Variants in DNAH6 observed in about 807,000 individuals in gnomAD.
DNAH6 encodes axonemal beta dynein heavy chain 6.
DNAH6 carries 340 observed loss-of-function variants against 491.4 expected under a neutral mutation model. That is an observed-to-expected ratio of 0.69 (90% confidence interval 0.63 to 0.76). DNAH6 has a LOEUF of 0.76. Ranked by LOEUF, DNAH6 falls within the 30% of genes least tolerant of loss-of-function variation. The pLI, the probability that DNAH6 is intolerant of heterozygous loss-of-function variation, is 0.00. For synonymous variants in DNAH6, 1,603 were observed against 1,686.1 expected (o/e 0.95, Z 1.21); for missense variants, 4,443 against 4,972.2 (o/e 0.89, Z 3.20).
chr2:84,603,130 T>G (rs1290208361), intron 18 of DNAH6, among the ~76,000 whole-genome samples: 1 of 152,102 alleles, frequency 6.6e-6, no homozygotes, highest in East Asian at 1.9e-4. Context: ...GATGTGTGGT[T>G]TTTCTTGCCT....
intron 52 of DNAH6, among the ~76,000 whole-genome samples, chr2:84,706,383 A>G (rs570791817): frequency 1.3e-5 from 2 of 152,358 alleles, no homozygotes; most frequent in South Asian, 2.1e-4. Context: ...CTGGAGTTCA[A>G]ATTTCACACA....
At chr2:84,579,217 A>C (rs1037951392) in intron 13 of DNAH6, among the ~76,000 whole-genome samples, 3 of 152,236 alleles carry the variant, frequency 2.0e-5, no homozygotes, top group Non-Finnish European at 4.4e-5. Flanking sequence ...CCAACATGAA[A>C]GGAGTGGGAC....
intron 45 of DNAH6, among the ~76,000 whole-genome samples, chr2:84,691,369 A>G (rs1694831511): frequency 6.6e-6 from 1 of 152,224 alleles, no homozygotes; most frequent in African/African-American, 2.4e-5. Flanking sequence ...TTATGGGAAA[A>G]ATAAGAAAGC....
At chr2:84,485,210 G>A in the DNAH6 span, among the ~76,000 whole-genome samples, 2 of 152,128 alleles carry the variant, frequency 1.3e-5, no homozygotes, top group South Asian at 4.1e-4. Context: ...TTATCCGATG[G>A]GGGGTTTGTA....
intron 67 of DNAH6, among the ~76,000 whole-genome samples, chr2:84,786,729 T>C (rs1677237751): frequency 6.6e-6 from 1 of 152,068 alleles, no homozygotes; most frequent in African/African-American, 2.4e-5. Context: ...AACAAAAAAA[T>C]ATGATTCTGT....
chr2:84,660,645 T>C lies in DNAH6; in HGVS notation c.6084+1476T>C, dbSNP rs113139806. Among the ~76,000 whole-genome samples, 445 of 152,224 alleles carry C rather than the reference T, an allele frequency of 2.9e-3. 3 individuals are homozygous for C. The highest frequency in any genetic ancestry group is 0.01 in the African/African-American group (417 of 41,554). On this transcript the variant is annotated intron_variant, in intron 37 of 76. Coordinates refer to ENST00000389394, the MANE Select transcript of DNAH6 (RefSeq NM_001370.2). ...AAAAAAAAAACTTGCAAACAGCACC[T>C]TAGCTACATGATCAATTTAATTTAA...
In DNAH6 at chr2:84,701,205, T is replaced by A. The variant is rs1695867121; in HGVS notation, c.7927T>A (p.Leu2643Met). 1.9e-6 allele frequency: 3 copies of A among 1,551,706 alleles called. No homozygotes were observed. Among genetic ancestry groups the A allele is most frequent in the Admixed American group, 2.0e-5 (1 of 50,984 alleles). ...TCCCTTGATGTGCGTGAACGTTCAC[T>A]TGAGTGTCTCCAGCATGGCAGAGCG... ...KLPLMCVNVH[L>M]SVSSMAERYY... Residue 2643 changes from leucine (L) to methionine (M), a missense_variant, in exon 49 of 77, where the codon TTG becomes ATG. By Grantham distance (15) the Leu-to-Met change is conservative. Around this residue, in one of 3 missense-constraint regions of DNAH6, gnomAD observed 2,977 missense variants for 3,296.6 expected, o/e 0.90. Transcript: ENST00000389394.
Position 84,544,295 on chromosome 2 carries a change from C to T in DNAH6, c.725C>T (p.Thr242Ile), listed in dbSNP as rs938612860. ...TATACTATTAGCCAAAGGGCAGTAA[C>T]ACACATTTATAATGAAGACATTGAA... ...DYYTISQRAV[T>I]HIYNEDIEFI... is the part of the protein sequence containing the mutation. The change falls in exon 5 of 77, where the codon ACA becomes ATA. Residue 242 changes from threonine to isoleucine, a missense_variant. Thr to Ile is a moderately conservative substitution (Grantham distance 89). Transcript: ENST00000389394. 2 of 1,527,902 alleles carry T rather than the reference C, an allele frequency of 1.3e-6. No individual in the cohort carries two copies. Among genetic ancestry groups the T allele is most frequent in the Non-Finnish European group, 1.8e-6 (2 of 1,125,798 alleles). 94.6% of individuals were successfully genotyped at this position (1,527,902 alleles called of 1,614,324 possible).
At chr2:84,580,536 C>T (rs1371975089) in intron 14 of DNAH6, among the ~76,000 whole-genome samples, 1 of 151,902 alleles carries the variant, frequency 6.6e-6, no homozygotes, top group Non-Finnish European at 1.5e-5. Context: ...AGAAATGCTT[C>T]AATTAAAAAA....
intron 62 of DNAH6, among the ~76,000 whole-genome samples, chr2:84,744,451 T>C (rs979784832): frequency 9.9e-5 from 15 of 152,254 alleles, no homozygotes; most frequent in Non-Finnish European, 1.9e-4. Flanking sequence ...ATAAATATTC[T>C]ATAGCCAGGG....
intron 75 of DNAH6, among the ~76,000 whole-genome samples, chr2:84,815,219 A>G (rs965344823): frequency 6.6e-6 from 1 of 152,242 alleles, no homozygotes; most frequent in Non-Finnish European, 1.5e-5. Flanking sequence ...AATTTAGTTT[A>G]CCATCCTTTT....
Position 84,573,567 on chromosome 2 carries a change from C to G in DNAH6, c.1904C>G (p.Ala635Gly). ...FKENESLDLQ[A>G]LKLQEPDINF... is the part of the protein sequence containing the mutation. ...GAAAATGAAAGTCTTGATTTACAAG[C>G]TCTTAAACTTCAGGAACCTGGTAAC... is the stretch of plus-strand genomic sequence containing the variant. The change falls in exon 12 of 77, where the codon GCT becomes GGT. Residue 635 changes from alanine to glycine, a missense_variant. Ala to Gly is a moderately conservative substitution (Grantham distance 60). Around this residue, in one of 3 missense-constraint regions of DNAH6, gnomAD observed 2,977 missense variants for 3,296.6 expected, o/e 0.90. Coordinates refer to ENST00000389394, the MANE Select transcript of DNAH6 (RefSeq NM_001370.2). 6.3e-7 allele frequency: 1 copy of G among 1,576,326 alleles called. No individual in the cohort carries two copies. Among genetic ancestry groups the G allele is most frequent in the African/African-American group, 1.4e-5 (1 of 72,258 alleles).
At chr2:84,723,793 C>G (rs181452004) in intron 60 of DNAH6, among the ~76,000 whole-genome samples, 22 of 152,344 alleles carry the variant, frequency 1.4e-4, no homozygotes, top group African/African-American at 4.8e-4. Flanking sequence ...TGAATTTCAT[C>G]TGCTGTCTCA....
At chr2:84,692,505 G>T (rs926694703) in intron 45 of DNAH6, among the ~76,000 whole-genome samples, 1 of 152,004 alleles carries the variant, frequency 6.6e-6, no homozygotes, top group African/African-American at 2.4e-5. Flanking sequence ...GAAGGAAGGG[G>T]AGGAAGAGGA....
chr2:84,520,105 G>A (rs1479337509), intron 2 of DNAH6, among the ~76,000 whole-genome samples: 1 of 151,834 alleles, frequency 6.6e-6, no homozygotes, highest in African/African-American at 2.4e-5. Flanking sequence ...TTTTGTATTG[G>A]TGCTTATATT....
intron 4 of DNAH6, among the ~76,000 whole-genome samples, chr2:84,532,067 G>A (rs997740805): frequency 6.6e-6 from 1 of 152,098 alleles, no homozygotes; most frequent in Non-Finnish European, 1.5e-5. Flanking sequence ...TACTATTTGT[G>A]ATGCTCATTT....
At chr2:84,599,741 A>G (rs1292476405) in intron 18 of DNAH6, among the ~76,000 whole-genome samples, 4 of 152,010 alleles carry the variant, frequency 2.6e-5, no homozygotes, top group Admixed American at 2.0e-4. Context: ...TCTTTCATCA[A>G]TACTACACTT....
chr2:84,726,600 C>T (rs1211986475), intron 60 of DNAH6, among the ~76,000 whole-genome samples: 1 of 152,062 alleles, frequency 6.6e-6, no homozygotes, highest in African/African-American at 2.4e-5. Context: ...CACATGGACA[C>T]AGGAAGGGGA....
At chr2:84,755,331 C>G (rs1454404830) in intron 63 of DNAH6, among the ~76,000 whole-genome samples, 1 of 152,206 alleles carries the variant, frequency 6.6e-6, no homozygotes, top group East Asian at 1.9e-4. Context: ...AGGCCCTTGT[C>G]AGATACCGTA....
Sources: gnomAD v4.1 joint callset for allele counts (sites outside exome capture counted in the v4.1 genomes callset) on GRCh38, gnomAD v4.1.1 for gene constraint, gnomAD v4.1.1 regional missense constraint, MANE v1.5 for transcripts, NCBI Gene and HGNC (gene_info 2026-07-23, HGNC 2026-07-21) for gene names.